The following FLT4 variants were observed in gnomAD, a reference collection of about 807,000 sequenced individuals.
The protein encoded by FLT4 is fms related receptor tyrosine kinase 4.
FLT4 carries 30 observed loss-of-function variants against 163.2 expected under a neutral mutation model. The observed-to-expected ratio is 0.18, with a 90% confidence interval of 0.14 to 0.25. The LOEUF is 0.25. FLT4 is among the 10% of genes least tolerant of loss of function. The pLI, the probability that FLT4 is intolerant of heterozygous loss-of-function variation, is 1.00. For synonymous variants in FLT4, 884 were observed against 789.5 expected, an observed-to-expected ratio of 1.12 and a Z score of -2.01; for missense variants, 1,510 against 1,863.8, an observed-to-expected ratio of 0.81 and a Z score of 3.50.
At chr5:180,640,672 C>T (rs1765035880) in intron 1 of FLT4, among the ~76,000 whole-genome samples, 1 of 152,250 alleles carries the variant, frequency 6.6e-6, no homozygotes, top group African/African-American at 2.4e-5. Context: ...CCAGCCCAGC[C>T]CAGTGAGAGC....
At chr5:180,603,444 G>A in intron 29 of FLT4, 54 bp from the exon 30 acceptor site, 1 of 1,515,456 alleles carries the variant, frequency 6.6e-7, no homozygotes, top group East Asian at 2.3e-5. Context: ...GGTGGCGGGT[G>A]GTGCATACTG....
chr5:180,620,230 C>T lies in FLT4; in HGVS notation c.2485G>A (p.Glu829Lys), dbSNP rs1763020084. ...TGGCTGGCATCGTAGGACAGGTATT[C>T]GCATTGCTCCTCCAGAGGCACCTCC... ...PGEVPLEEQC[E>K]YLSYDASQWE... The change falls in exon 17 of 30, where the codon GAA (glutamate) becomes AAA (lysine). Residue 829 changes from glutamate (E) to lysine (K), a missense_variant. This residue lies in a region of FLT4 where 878 missense variants were observed against 1,016.7 expected (regional missense o/e 0.86). Coordinates refer to ENST00000261937, the MANE Select transcript of FLT4 (RefSeq NM_182925.5). The surrounding 1 kb of genome is among the most constrained non-coding windows in gnomAD (Gnocchi z 4.4). The T allele has an allele frequency of 1.9e-6, 3 of 1,611,674 alleles. No homozygotes were observed. The highest frequency in any genetic ancestry group is 2.2e-5 in the East Asian group (1 of 44,866).
At chr5:180,613,858 G>C (rs1019459720) in intron 24 of FLT4, 5 of 634,672 alleles carry the variant, frequency 7.9e-6, no homozygotes, top group South Asian at 3.4e-5. Flanking sequence ...CCCCACAGAG[G>C]GTGGCCCACG....
Position 180,631,700 on chromosome 5 carries a change from C to A in FLT4, c.137G>T (p.Ser46Ile). 1 of 1,609,870 alleles carries A rather than the reference C, an allele frequency of 6.2e-7. No homozygotes were observed. The change falls in exon 2 of 30, where the codon AGC (serine) becomes ATC (isoleucine). Residue 46 changes from serine to isoleucine, a missense_variant. Coordinates refer to ENST00000261937, the MANE Select transcript of FLT4 (RefSeq NM_182925.5). ...CCAGTACCTGCAGGAGATGGACAGGCTGTCACCGGTGTCGATGACGTGTGA... is the reference window on the plus strand; with the variant it reads ...CCAGTACCTGCAGGAGATGGACAGGATGTCACCGGTGTCGATGACGTGTGA... ...EESHVIDTGD[S>I]LSISCRGQHP...
chr5:180,639,575 T>C (rs1764947484), intron 1 of FLT4, among the ~76,000 whole-genome samples: 1 of 151,770 alleles, frequency 6.6e-6, no homozygotes, highest in Non-Finnish European at 1.5e-5. Flanking sequence ...GGTGGATGGT[T>C]AGATGGTTGG....
rs1763900013 is a variant in FLT4, at chr5:180,629,339, T to C, written c.905A>G (p.Gln302Arg). The stretch of plus-strand genomic sequence containing the variant: ...GCACACATACGAGCCCAGGTCGTGC[T>C]GGCTGACGTTGTGGATGGTCAGGAT... Reference protein sequence around the residue: ...SSILTIHNVSQHDLGSYVCKA... With the variant: ...SSILTIHNVSRHDLGSYVCKA... Residue 302 changes from glutamine (Q) to arginine (R), a missense_variant, in exon 7 of 30, where the codon CAG becomes CGG. By Grantham distance (43) the Gln-to-Arg change is conservative. This residue lies in a region of FLT4 where 163 missense variants were observed against 281.1 expected (regional missense o/e 0.58). Transcript: ENST00000261937. 2 of 1,613,280 alleles carry C rather than the reference T, an allele frequency of 1.2e-6. No individual in the cohort carries two copies. The highest frequency in any genetic ancestry group is 8.5e-7 in the Non-Finnish European group (1 of 1,180,004).
rs182247281 is a variant in FLT4, at chr5:180,637,501, A to G, written c.59-5723T>C. Among the ~76,000 whole-genome samples the G allele has an allele frequency of 3.5e-3, 529 of 152,126 alleles. 1 individual carries two copies. The highest frequency in any genetic ancestry group is 5.8e-3 in the Admixed American group (88 of 15,282). ...ACCACGGATTTCTCTTCTAATCACC[A>G]GTCTTTGCTATGCAATCATCTCCCA... On this transcript the variant is annotated intron_variant, in intron 1 of 29. Transcript: ENST00000261937.
intron 24 of FLT4, chr5:180,613,864 C>G (rs1762406350): frequency 1.6e-6 from 1 of 641,758 alleles, no homozygotes. Context: ...AGAGGGTGGC[C>G]CACGTTGGAG....
rs1761583843 is a variant in FLT4 at position 180,602,801 on chromosome 5, C to T, written c.*391G>A. 1 of 543,628 alleles carries T rather than the reference C, an allele frequency of 1.8e-6. No homozygotes were observed. Among genetic ancestry groups the T allele is most frequent in the Non-Finnish European group, 3.2e-6 (1 of 308,178 alleles). 33.7% of individuals were successfully genotyped at this position (543,628 alleles called of 1,614,324 possible). Reference sequence around the variant, plus strand: ...CTCTCGTATGCCTTAACCTCCAACACTGTGTGACTCCCAGACCCACAGATT... The same window carrying T: ...CTCTCGTATGCCTTAACCTCCAACATTGTGTGACTCCCAGACCCACAGATT... On this transcript the variant is annotated 3_prime_UTR_variant, in exon 30 of 30. Transcript: ENST00000261937.
Position 180,603,144 on chromosome 5 carries a change from C to T in FLT4, c.*48G>A, listed in dbSNP as rs1371805079. On this transcript the variant is annotated 3_prime_UTR_variant, in exon 30 of 30. Transcript: ENST00000261937. ...CCTGGGCCTCCAGCCCTCTGCCCGC[C>T]CTGCCGGGCCTGAACCCCCAAGTGC... 6.3e-7 allele frequency: 1 copy of T among 1,595,574 alleles called. No homozygotes were observed. Among genetic ancestry groups the T allele is most frequent in the Non-Finnish European group, 8.6e-7 (1 of 1,165,330 alleles).
At chr5:180,633,562 C>T (rs533950287) in intron 1 of FLT4, among the ~76,000 whole-genome samples, 1 of 152,302 alleles carries the variant, frequency 6.6e-6, no homozygotes, top group East Asian at 1.9e-4. Context: ...TGAGAGGAGT[C>T]TGGGCCAGGG....
At chr5:180,615,578 C>CCCCAAGATGCCTAAGGTGGGGGGT (rs1762609767) in intron 23 of FLT4, among the ~76,000 whole-genome samples, 4 of 9,776 alleles carry the variant, frequency 4.1e-4, no homozygotes, top group Admixed American at 1.4e-3. Flanking sequence ...CACTTCCTTT[C>CCCCAAGATGCCTAAGGTGGGGGGT]GGAGCACTGG....
chr5:180,624,732 G>A (rs1347319488), intron 10 of FLT4, among the ~76,000 whole-genome samples: 2 of 152,222 alleles, frequency 1.3e-5, no homozygotes, highest in East Asian at 3.9e-4. Flanking sequence ...TGCCCCCGGA[G>A]GCATCTCTGC....
rs141847937 is a variant in FLT4 at position 180,611,650 on chromosome 5, G to A, written c.3538-171C>T. ...TCGCCCTGCCCTCAGCCCTCGCTCTGCCCTCGGGACTGCTTGGGCTCCTGA... is the reference window on the plus strand; with the variant it reads ...TCGCCCTGCCCTCAGCCCTCGCTCTACCCTCGGGACTGCTTGGGCTCCTGA... On this transcript the variant is annotated intron_variant, in intron 26 of 29. Transcript: ENST00000261937. The A allele has an allele frequency of 5.5e-6, 4 of 722,924 alleles. No individual in the cohort carries two copies. In the East Asian group the frequency reaches 1.1e-4, roughly 20 times the overall value. The allele number at this position is 722,924 out of a possible 1,614,324, so 44.8% of individuals were successfully genotyped here.
chr5:180,616,924 C>T lies in FLT4; in HGVS notation c.3072G>A (p.Gly1024=). 1 of 1,613,422 alleles carries T rather than the reference C, an allele frequency of 6.2e-7. No individual in the cohort carries two copies. Among genetic ancestry groups the T allele is most frequent in the Non-Finnish European group, 8.5e-7 (1 of 1,179,900 alleles). Residue 1024 remains glycine (G), a synonymous_variant, in exon 22 of 30, where the codon GGG becomes GGA. Coordinates refer to ENST00000261937, the MANE Select transcript of FLT4 (RefSeq NM_182925.5). ...CCTTTCGGGAAGCCAGGAACTCCAT[C>T]CCTCTGGCCACCTGGAAGCTGTAGC... ...LVCYSFQVAR[G]MEFLASRKCI...
chr5:180,602,755 AGGGCGTTTGGG>A lies in FLT4; in HGVS notation c.*426_*436del. On this transcript the variant is annotated 3_prime_UTR_variant, in exon 30 of 30. Transcript: ENST00000261937. ...GAGTAGCTGTGTGCCTGAGGAGGAAAGGGCGTTTGGGAGACCTCTGCTCTCGTATGCCTTAA... is the reference window on the plus strand; with the variant it reads ...GAGTAGCTGTGTGCCTGAGGAGGAAAAGACCTCTGCTCTCGTATGCCTTAA... 1 of 462,566 alleles carries A rather than the reference AGGGCGTTTGGG, an allele frequency of 2.2e-6. No homozygotes were observed. Among genetic ancestry groups the A allele is most frequent in the Non-Finnish European group, 3.8e-6 (1 of 264,258 alleles). The allele number at this position is 462,566 out of a possible 1,614,324, so 28.7% of individuals were successfully genotyped here. A position where few individuals can be genotyped will look rare whatever the true frequency, so the allele number is the denominator to read the frequency against.
At chr5:180,612,898 C>G in intron 25 of FLT4, 113 bp downstream of exon 25, 2 of 791,094 alleles carry the variant, frequency 2.5e-6, no homozygotes, top group Non-Finnish European at 4.3e-6. Context: ...AGGGTGGTGC[C>G]CAGGCCTGTC....
chr5:180,623,441 C>A lies in FLT4; in HGVS notation c.1548+494G>T, dbSNP rs1361105758. ...GCCTACCATCCAAAGACCCCCACCC[C>A]CACCCCACCCCCAGCTGGGCACTTC... On this transcript the variant is annotated intron_variant, in intron 11 of 29. Transcript: ENST00000261937. The surrounding 1 kb of genome is among the most constrained non-coding windows in gnomAD (Gnocchi z 5.8). 6.6e-6 allele frequency among the ~76,000 whole-genome samples: 1 copy of A among 152,090 alleles called. No individual in the cohort carries two copies. Among genetic ancestry groups the A allele is most frequent in the East Asian group, 1.9e-4 (1 of 5,166 alleles).
chr5:180,648,109 C>A (rs1321083084), intron 1 of FLT4, among the ~76,000 whole-genome samples: 3 of 152,210 alleles, frequency 2.0e-5, no homozygotes, highest in African/African-American at 7.2e-5. Context: ...CATTCTACAG[C>A]CCTGCAGTCC....
Sources: allele counts gnomAD v4.1 joint callset (sites outside exome capture counted in the v4.1 genomes callset), GRCh38; gene constraint gnomAD v4.1.1; regional missense constraint gnomAD v4.1.1; non-coding constraint Gnocchi (gnomAD v3.1); transcripts MANE v1.5; gene names NCBI Gene and HGNC (gene_info 2026-07-23, HGNC 2026-07-21).